The following TMEM132C variants were observed in gnomAD, a reference collection of about 807,000 sequenced individuals.
The protein encoded by TMEM132C is protein phosphatase 1, regulatory subunit 152.
TMEM132C carries 29 observed loss-of-function variants against 61.4 expected under a neutral mutation model. The observed-to-expected ratio is 0.47, with a 90% CI of 0.35 to 0.64. The LOEUF (loss-of-function observed/expected upper bound fraction) is 0.64, where lower values mean the gene tolerates loss of function less well. Ranked by LOEUF, TMEM132C falls within the 30% of genes least tolerant of loss-of-function variation. The probability of loss-of-function intolerance (pLI) is 0.00; values close to 1 mark genes in which losing one functional copy is unlikely to be tolerated. For synonymous variants in TMEM132C, 656 were observed against 633.1 expected, an observed-to-expected ratio of 1.04 and a Z score of -0.54; for missense variants, 1,408 against 1,476.9, an observed-to-expected ratio of 0.95 and a Z score of 0.76.
chr12:128,398,909 C>A (rs1044731605), intron 1 of TMEM132C, among the ~76,000 whole-genome samples: 1 of 152,180 alleles, frequency 6.6e-6, no homozygotes, highest in Non-Finnish European at 1.5e-5. Flanking sequence ...TTTCAGAATT[C>A]TCCCTTATAA....
At chr12:128,385,645 C>T (rs1025670875) in intron 1 of TMEM132C, among the ~76,000 whole-genome samples, 1 of 152,174 alleles carries the variant, frequency 6.6e-6, no homozygotes, top group Admixed American at 6.5e-5. Flanking sequence ...TTTTAGCATC[C>T]TTTAAGTCAT....
chr12:128,654,545 G>A lies in TMEM132C; in HGVS notation c.1306-14872G>A, dbSNP rs139203176. On this transcript the variant is annotated intron_variant, in intron 4 of 8. Transcript: ENST00000435159. Reference sequence around the variant, plus strand: ...ACACATCAATTACTGTTATTATCATGACTATGTATACAATAGTGCATTGCT... The same window carrying A: ...ACACATCAATTACTGTTATTATCATAACTATGTATACAATAGTGCATTGCT... Among the ~76,000 whole-genome samples, 58 of 152,270 alleles carry A rather than the reference G, an allele frequency of 3.8e-4. No homozygotes were observed. The East Asian group carries it at 0.011, about 28-fold the overall frequency.
At chr12:128,430,425 A>G (rs1323810161) in intron 2 of TMEM132C, among the ~76,000 whole-genome samples, 1 of 152,220 alleles carries the variant, frequency 6.6e-6, no homozygotes, top group African/African-American at 2.4e-5. Flanking sequence ...ATTTGCAAAC[A>G]TAATGAGAAC....
intron 2 of TMEM132C, among the ~76,000 whole-genome samples, chr12:128,498,676 G>GA (rs893727719): frequency 8.7e-5 from 13 of 148,712 alleles, no homozygotes; most frequent in South Asian, 2.1e-4. Context: ...ATCTCAAAAA[G>GA]AAAAAAAAAG....
Position 128,415,624 on chromosome 12 carries a change from G to T in TMEM132C, c.974+4G>T. The T allele has an allele frequency of 2.0e-6, 3 of 1,516,324 alleles. No homozygotes were observed. The highest frequency in any genetic ancestry group is 2.7e-6 in the Non-Finnish European group (3 of 1,126,310). 93.9% of individuals were successfully genotyped at this position (1,516,324 alleles called of 1,614,324 possible). ...CTGTGGACCTCTTCATCTTGAGGTA[G>T]GTGCCCATGCTTGCCCCTGATCATC... On this transcript the variant is annotated splice_donor_region_variant and intron_variant, in intron 2 of 8. Coordinates refer to ENST00000435159, the MANE Select transcript of TMEM132C (RefSeq NM_001136103.3). The surrounding 1 kb of genome is among the most constrained non-coding windows in gnomAD (Gnocchi z 5.8).
intron 2 of TMEM132C, among the ~76,000 whole-genome samples, chr12:128,431,731 A>G (rs1243591003): frequency 6.6e-6 from 1 of 151,642 alleles, no homozygotes; most frequent in Non-Finnish European, 1.5e-5. Context: ...ATTTTTCTGT[A>G]TTTTTATTAG....
chr12:128,427,387 GGTGTGTGTGTGTGTGTGT>G (rs761620460), intron 2 of TMEM132C, among the ~76,000 whole-genome samples: 1 of 132,286 alleles, frequency 7.6e-6, no homozygotes, highest in Non-Finnish European at 1.6e-5. Flanking sequence ...CTTCCAAAGG[GGTGTGTGTGTGTGTGTGT>G]GTGTGTGTGT....
At chr12:128,403,379 T>C (rs1049391017) in intron 1 of TMEM132C, among the ~76,000 whole-genome samples, 2 of 152,204 alleles carry the variant, frequency 1.3e-5, no homozygotes, top group African/African-American at 4.8e-5. Flanking sequence ...CAGAGATGTC[T>C]GATGCAGGAG....
At chr12:128,495,822 G>T (rs1183638772) in intron 2 of TMEM132C, among the ~76,000 whole-genome samples, 3 of 151,962 alleles carry the variant, frequency 2.0e-5, no homozygotes, top group African/African-American at 7.3e-5. Context: ...GGAGCATTTA[G>T]CCCATTTACA....
intron 1 of TMEM132C, among the ~76,000 whole-genome samples, chr12:128,282,742 C>G (rs1026769695): frequency 6.6e-6 from 1 of 152,034 alleles, no homozygotes; most frequent in African/African-American, 2.4e-5. Context: ...TTCAGTCTTC[C>G]CTTGAATTTC....
chr12:128,586,683 T>A (rs1875561070), intron 3 of TMEM132C, among the ~76,000 whole-genome samples: 1 of 152,196 alleles, frequency 6.6e-6, no homozygotes, highest in Non-Finnish European at 1.5e-5. Flanking sequence ...GAAAGAAAAT[T>A]GTGGCAAATA....
intron 1 of TMEM132C, among the ~76,000 whole-genome samples, chr12:128,333,733 G>A (rs1468382985): frequency 1.3e-5 from 2 of 151,484 alleles, no homozygotes; most frequent in Non-Finnish European, 2.9e-5. Flanking sequence ...TGTGTGGTTT[G>A]TGTGTGGTGT....
At chr12:128,476,027 C>G (rs1208461248) in intron 2 of TMEM132C, among the ~76,000 whole-genome samples, 1 of 152,184 alleles carries the variant, frequency 6.6e-6, no homozygotes, top group East Asian at 1.9e-4. Flanking sequence ...GACATTAAAT[C>G]AAGCCATCTT....
At chr12:128,416,345 T>C (rs1868781947) in intron 2 of TMEM132C, among the ~76,000 whole-genome samples, 1 of 152,242 alleles carries the variant, frequency 6.6e-6, no homozygotes. Context: ...TTTCTGAGGA[T>C]AATTAATACG....
At chr12:128,533,948 T>TACACACACAC (rs55794743) in intron 2 of TMEM132C, among the ~76,000 whole-genome samples, 104 of 145,782 alleles carry the variant, frequency 7.1e-4, no homozygotes, top group African/African-American at 2.0e-3. Flanking sequence ...CATGCGCACA[T>TACACACACAC]ACACACACAC....
chr12:128,503,806 T>C (rs1443926353), intron 2 of TMEM132C, among the ~76,000 whole-genome samples: 2 of 152,226 alleles, frequency 1.3e-5, no homozygotes, highest in African/African-American at 4.8e-5. Context: ...GGCCTGACTG[T>C]CAACCCTCAG....
intron 2 of TMEM132C, among the ~76,000 whole-genome samples, chr12:128,518,615 T>A (rs1324719715): frequency 1.3e-5 from 2 of 152,252 alleles, no homozygotes; most frequent in African/African-American, 4.8e-5. Context: ...ATACCTTTTG[T>A]AAATTTTTAA....
intron 1 of TMEM132C, among the ~76,000 whole-genome samples, chr12:128,359,502 C>T (rs560724124): frequency 6.6e-6 from 1 of 152,172 alleles, no homozygotes; most frequent in Non-Finnish European, 1.5e-5. Context: ...GCGACACAGC[C>T]AAACCATGTC....
intron 2 of TMEM132C, among the ~76,000 whole-genome samples, chr12:128,422,303 C>T (rs1869016983): frequency 6.7e-6 from 1 of 149,794 alleles, no homozygotes; most frequent in Non-Finnish European, 1.5e-5. Context: ...ACTCAAGTTG[C>T]AGGTTGTAAG....
Sources: gnomAD v4.1 joint callset for allele counts (sites outside exome capture counted in the v4.1 genomes callset) on GRCh38, gnomAD v4.1.1 for gene constraint, Gnocchi (gnomAD v3.1) non-coding constraint, MANE v1.5 for transcripts, NCBI Gene and HGNC (gene_info 2026-07-23, HGNC 2026-07-21) for gene names.